C6: variants seen among roughly 807,000 people sequenced by gnomAD.
C6 encodes the protein complement component C6.
Under a neutral mutation model 112.9 loss-of-function variants are expected in C6, and 101 were observed. That is an observed-to-expected ratio of 0.89 (90% CI 0.76 to 1.06). The LOEUF (loss-of-function observed/expected upper bound fraction) is 1.06. C6 is among the 50% of genes least tolerant of loss of function. C6 has a pLI of 0.00. For synonymous variants in C6, 431 were observed against 384.1 expected (o/e 1.12, Z -1.43); for missense variants, 1,202 against 1,104.6 (o/e 1.09, Z -1.25).
At chr5:41,253,947 G>T (rs1361582393) in intron 1 of C6, among the ~76,000 whole-genome samples, 1 of 152,114 alleles carries the variant, frequency 6.6e-6, no homozygotes, top group Non-Finnish European at 1.5e-5. Flanking sequence ...AACATTCCAA[G>T]TTCTCTAAGT....
rs113165503 is a variant in C6 at position 41,238,437 on chromosome 5, T to C, written c.-21+22757A>G. ...AGAAATAATGCCACATATCTCATTC[T>C]TTATTAATAAATAATAAATGGCATT... is the stretch of plus-strand genomic sequence containing the variant. On this transcript the variant is annotated intron_variant, in intron 1 of 17. Coordinates refer to the C6 transcript ENST00000263413. 9.8e-3 allele frequency among the ~76,000 whole-genome samples: 1,489 copies of C among 152,338 alleles called. 32 individuals are homozygous for C. The highest frequency in any genetic ancestry group is 0.034 in the African/African-American group (1,412 of 41,578).
At chr5:41,185,388 C>T (rs1344898034) in intron 6 of C6, among the ~76,000 whole-genome samples, 1 of 152,176 alleles carries the variant, frequency 6.6e-6, no homozygotes, top group Non-Finnish European at 1.5e-5. Context: ...GAAATTCTCT[C>T]TAGCTTGTCA....
chr5:41,257,265 C>T (rs915785298), intron 1 of C6, among the ~76,000 whole-genome samples: 2 of 152,074 alleles, frequency 1.3e-5, no homozygotes, highest in Non-Finnish European at 2.9e-5. Flanking sequence ...TAAATCAAAA[C>T]ATGTAGTATT....
intron 5 of C6, among the ~76,000 whole-genome samples, chr5:41,190,877 G>T (rs1029773776): frequency 3.3e-5 from 5 of 152,178 alleles, no homozygotes; most frequent in Admixed American, 3.3e-4. Flanking sequence ...CCCAGTGCAT[G>T]ATCTTGGCAC....
At chr5:41,168,095 C>T (rs960781690) in intron 9 of C6, among the ~76,000 whole-genome samples, 1 of 152,194 alleles carries the variant, frequency 6.6e-6, no homozygotes, top group African/African-American at 2.4e-5. Context: ...GATGAGCAAA[C>T]TTTCCACTCA....
intron 17 of C6, among the ~76,000 whole-genome samples, chr5:41,146,903 CA>C (rs1016232692): frequency 6.7e-6 from 1 of 148,272 alleles, no homozygotes. Context: ...GGGAAGATAG[CA>C]AAAAAAGGGA....
chr5:41,214,969 C>CCTCTTCA (rs1752145524), upstream of C6, among the ~76,000 whole-genome samples: 1 of 152,100 alleles, frequency 6.6e-6, no homozygotes, highest in Non-Finnish European at 1.5e-5. Context: ...ATGCGAATGT[C>CCTCTTCA]TGTGATCCAA....
chr5:41,167,649 A>T (rs1748091985), intron 9 of C6, among the ~76,000 whole-genome samples: 1 of 152,162 alleles, frequency 6.6e-6, no homozygotes, highest in Non-Finnish European at 1.5e-5. Context: ...ACAAAAATAA[A>T]CTCATACTAA....
At chr5:41,243,544 T>C (rs571744525) in intron 1 of C6, among the ~76,000 whole-genome samples, 1 of 152,316 alleles carries the variant, frequency 6.6e-6, no homozygotes, top group African/African-American at 2.4e-5. Context: ...TTCTTTTTGA[T>C]TTATAAAGTT....
intron 1 of C6, among the ~76,000 whole-genome samples, chr5:41,242,821 GA>G (rs1477343571): frequency 6.7e-6 from 1 of 149,418 alleles, no homozygotes; most frequent in Admixed American, 6.7e-5. Context: ...CCTTAAAAAA[GA>G]AGGAAATTCT....
chr5:41,147,491 A>C (rs998440337), intron 17 of C6, among the ~76,000 whole-genome samples: 5 of 152,138 alleles, frequency 3.3e-5, no homozygotes, highest in African/African-American at 1.2e-4. Flanking sequence ...CTTGATAATC[A>C]ACCTTAAGTG....
At chr5:41,224,512 T>C (rs1739366726) in intron 1 of C6, among the ~76,000 whole-genome samples, 1 of 152,180 alleles carries the variant, frequency 6.6e-6, no homozygotes. Flanking sequence ...ATACGTCGTC[T>C]TTTGAGACTG....
At chr5:41,181,609 C>A in intron 6 of C6, 50 bp from the exon 7 acceptor site, 1 of 1,402,868 alleles carries the variant, frequency 7.1e-7, no homozygotes, top group Non-Finnish European at 1.0e-6. Flanking sequence ...AATACTGGAG[C>A]GACTTGTGGA....
At chr5:41,156,394 A>T (rs1746913928) in intron 13 of C6, among the ~76,000 whole-genome samples, 1 of 152,138 alleles carries the variant, frequency 6.6e-6, no homozygotes, top group African/African-American at 2.4e-5. Flanking sequence ...CACGTTTATC[A>T]GCCCCACCCC....
chr5:41,160,222 G>A lies in C6; in HGVS notation c.1604C>T (p.Ser535Leu), dbSNP rs1190466640. Residue 535 changes from serine to leucine, a missense_variant, in exon 11 of 18, where the codon TCA (serine) becomes TTA (leucine). By Grantham distance (145) the Ser-to-Leu change is moderately radical. Transcript: ENST00000337836. ...PCPNNGRPTLSGTECLCVCQS... is the reference protein window; with the variant it reads ...PCPNNGRPTLLGTECLCVCQS... ...ACACACACACAGACATTCAGTCCCTGAGAGGGTGGGTCGGCCATTATTAGG... is the reference window on the plus strand; with the variant it reads ...ACACACACACAGACATTCAGTCCCTAAGAGGGTGGGTCGGCCATTATTAGG... 1 of 1,613,794 alleles carries A rather than the reference G, an allele frequency of 6.2e-7. No homozygotes were observed. Among genetic ancestry groups the A allele is most frequent in the East Asian group, 2.2e-5 (1 of 44,872 alleles).
intron 1 of C6, among the ~76,000 whole-genome samples, chr5:41,207,660 T>C (rs59852186): frequency 0.092 from 13,962 of 152,224 alleles, 742 homozygotes; most frequent in Admixed American, 0.17. Context: ...AAGGGATGAA[T>C]TCAAAAAGAA....
intron 5 of C6, 23 bp from the exon 6 acceptor site, chr5:41,186,231 G>A (rs1749760374): frequency 6.2e-7 from 1 of 1,612,398 alleles, no homozygotes; most frequent in Admixed American, 1.7e-5. Context: ...TAATTTTCAG[G>A]AATTCAACAG....
intron 15 of C6, among the ~76,000 whole-genome samples, chr5:41,153,257 C>A (rs543212922): frequency 6.6e-6 from 1 of 152,262 alleles, no homozygotes; most frequent in African/African-American, 2.4e-5. Flanking sequence ...CTATGTATTT[C>A]CTTTATCTAG....
intron 1 of C6, among the ~76,000 whole-genome samples, chr5:41,248,899 C>G (rs756235924): frequency 1.1e-4 from 16 of 151,758 alleles, no homozygotes; most frequent in Admixed American, 3.3e-4. Flanking sequence ...TTCACAATAG[C>G]AAAGATATGG....
Sources: allele counts gnomAD v4.1 joint callset (sites outside exome capture counted in the v4.1 genomes callset), GRCh38; gene constraint gnomAD v4.1.1; transcripts MANE v1.5; gene names NCBI Gene and HGNC (gene_info 2026-07-23, HGNC 2026-07-21).